The following E2F5 variants were observed in gnomAD, a reference collection of about 807,000 sequenced individuals.
The protein encoded by E2F5 is transcription factor E2F5.
E2F5 carries 23 observed loss-of-function variants against 39.1 expected under a neutral mutation model. The observed-to-expected ratio is 0.59, with a 90% confidence interval of 0.42 to 0.83. The LOEUF (loss-of-function observed/expected upper bound fraction) is 0.83. Ranked by LOEUF, E2F5 falls within the 40% of genes least tolerant of loss-of-function variation. The pLI is 0.00. For missense variants in E2F5, 365 were observed against 406.7 expected (o/e 0.90, Z 0.88); for synonymous variants, 145 against 157.8 (o/e 0.92, Z 0.61).
intron 1 of E2F5, among the ~76,000 whole-genome samples, chr8:85,179,907 G>A (rs1239479776): frequency 1.1e-4 from 17 of 152,258 alleles, no homozygotes; most frequent in African/African-American, 2.4e-5. Context: ...TGATCCACGC[G>A]CCTCGGCCTC....
Position 85,213,868 on chromosome 8 carries a change from A to G in E2F5, c.*6A>G. On this transcript the variant is annotated 3_prime_UTR_variant, in exon 8 of 8. Coordinates refer to ENST00000416274, the MANE Select transcript of E2F5 (RefSeq NM_001951.4). ...TCCAGATACTAAATTATTAGATTCC[A>G]TGGAAACTTGGGACTGTTATCTACC... 1 of 1,549,266 alleles carries G rather than the reference A, an allele frequency of 6.5e-7. No individual in the cohort carries two copies. Among genetic ancestry groups the G allele is most frequent in the Middle Eastern group, 1.8e-4 (1 of 5,566 alleles).
chr8:85,213,573 CTTCTG>C (rs1813004955), intron 7 of E2F5, 175 bp from the exon 8 acceptor site: 2 of 143,658 alleles, frequency 1.4e-5, no homozygotes, highest in Non-Finnish European at 2.7e-5. Flanking sequence ...AAAAAATTAA[CTTCTG>C]TTTCTCAATC....
chr8:85,212,326 G>A, intron 7 of E2F5, 122 bp downstream of exon 7: 1 of 717,522 alleles, frequency 1.4e-6, no homozygotes, highest in Non-Finnish European at 2.3e-6. Flanking sequence ...GAAGATTCAT[G>A]AAAATTCTCC....
Position 85,202,960 on chromosome 8 carries a change from A to G in E2F5, c.345-134A>G, listed in dbSNP as rs551994994. 3 of 612,486 alleles carry G rather than the reference A, an allele frequency of 4.9e-6. No individual in the cohort carries two copies. The Admixed American group carries it at 1.4e-4, about 28-fold the overall frequency. 37.9% of individuals were successfully genotyped at this position (612,486 alleles called of 1,614,324 possible). A position where few individuals can be genotyped will look rare whatever the true frequency, so the allele number is the denominator to read the frequency against. ...GGTGTTTAAAATTTTTAAGGATTTT[A>G]GTGCTTGATTTTAAGAGTGTAAAGA... is the stretch of plus-strand genomic sequence containing the variant. On this transcript the variant is annotated intron_variant, in intron 2 of 7. Coordinates refer to ENST00000416274, the MANE Select transcript of E2F5 (RefSeq NM_001951.4).
chr8:85,180,555 T>C (rs1333599902), intron 1 of E2F5, among the ~76,000 whole-genome samples: 1 of 117,960 alleles, frequency 8.5e-6, no homozygotes, highest in Non-Finnish European at 1.7e-5. Flanking sequence ...TATATATATA[T>C]GGTTTTTTGG....
At chr8:85,192,526 G>T (rs747402101) in intron 1 of E2F5, among the ~76,000 whole-genome samples, 6 of 152,156 alleles carry the variant, frequency 3.9e-5, no homozygotes, top group Non-Finnish European at 5.9e-5. Flanking sequence ...AAGTCTGAGG[G>T]TATGGTAACA....
At chr8:85,202,377 C>T in intron 2 of E2F5, 121 bp downstream of exon 2, 1 of 679,456 alleles carries the variant, frequency 1.5e-6, no homozygotes, top group South Asian at 2.1e-5. Flanking sequence ...CCTCAGCTTT[C>T]CCTGAACACA....
At chr8:85,199,736 A>G (rs1812653647) in intron 1 of E2F5, among the ~76,000 whole-genome samples, 1 of 152,244 alleles carries the variant, frequency 6.6e-6, no homozygotes, top group East Asian at 1.9e-4. Context: ...GTATTTGATG[A>G]TGAGGCTGAC....
At position 85,214,349 on chromosome 8, in the gene E2F5, T is replaced by G; in HGVS notation, c.*487T>G. On this transcript the variant is annotated 3_prime_UTR_variant, in exon 8 of 8. Transcript: ENST00000416274. Reference sequence around the variant, plus strand: ...TATAACTGTTTCAGTGAACAGATTTTGTGAAGTGCCTTCTGTTTTAGCACT... The same window carrying G: ...TATAACTGTTTCAGTGAACAGATTTGGTGAAGTGCCTTCTGTTTTAGCACT... 1.7e-6 allele frequency: 1 copy of G among 598,558 alleles called. No homozygotes were observed. The highest frequency in any genetic ancestry group is 3.0e-6 in the Non-Finnish European group (1 of 337,478). 37.1% of individuals were successfully genotyped at this position (598,558 alleles called of 1,614,324 possible). A position where few individuals can be genotyped will look rare whatever the true frequency, so the allele number is the denominator to read the frequency against.
At chr8:85,205,943 CT>C (rs1440011985) in intron 3 of E2F5, among the ~76,000 whole-genome samples, 1 of 152,176 alleles carries the variant, frequency 6.6e-6, no homozygotes, top group African/African-American at 2.4e-5. Context: ...CTTTCCATCT[CT>C]CTCCTAAGGG....
intron 4 of E2F5, 97 bp downstream of exon 4, chr8:85,206,317 C>T: frequency 7.9e-7 from 1 of 1,269,684 alleles, no homozygotes. Flanking sequence ...TCATTATTTT[C>T]AGAAGTTGTG....
At chr8:85,204,048 C>T (rs911616436) in intron 3 of E2F5, among the ~76,000 whole-genome samples, 1 of 151,938 alleles carries the variant, frequency 6.6e-6, no homozygotes, top group African/African-American at 2.4e-5. Context: ...TTACTTTTCA[C>T]ATTTTCATGT....
At chr8:85,177,731 G>A (rs1182397472) in intron 1 of E2F5, 77 bp downstream of exon 1, 2 of 1,169,208 alleles carry the variant, frequency 1.7e-6, no homozygotes, top group Non-Finnish European at 2.1e-6. Flanking sequence ...TCGCCGCGTG[G>A]GTCTAGCGGC....
intron 5 of E2F5, 48 bp from the exon 6 acceptor site, chr8:85,209,094 T>C: frequency 1.9e-6 from 3 of 1,573,482 alleles, no homozygotes; most frequent in Non-Finnish European, 1.7e-6. Flanking sequence ...TTAAGTTAGC[T>C]AGAAATGTTA....
intron 1 of E2F5, among the ~76,000 whole-genome samples, chr8:85,180,169 C>T (rs1420830547): frequency 4.0e-5 from 6 of 151,650 alleles, no homozygotes; most frequent in African/African-American, 7.3e-5. Context: ...TACAGGTGCC[C>T]GCCACCATGC....
intron 1 of E2F5, among the ~76,000 whole-genome samples, chr8:85,197,641 G>GT (rs759803864): frequency 1.6e-3 from 237 of 152,134 alleles, no homozygotes; most frequent in Non-Finnish European, 2.7e-3. Flanking sequence ...ATTTTTGTTT[G>GT]TTTTTTTCTG....
chr8:85,193,651 A>G (rs1044555565), intron 1 of E2F5, among the ~76,000 whole-genome samples: 5 of 152,142 alleles, frequency 3.3e-5, no homozygotes, highest in African/African-American at 9.7e-5. Flanking sequence ...CTTCATCCTC[A>G]ATCCCAAGCA....
intron 4 of E2F5, among the ~76,000 whole-genome samples, chr8:85,206,674 T>C (rs1812808619): frequency 6.6e-6 from 1 of 152,188 alleles, no homozygotes; most frequent in South Asian, 2.1e-4. Context: ...AGGAAACCTA[T>C]TCCTATGCAA....
At chr8:85,190,236 G>A (rs531906271) in intron 1 of E2F5, among the ~76,000 whole-genome samples, 4 of 151,972 alleles carry the variant, frequency 2.6e-5, no homozygotes, top group Non-Finnish European at 5.9e-5. Flanking sequence ...ACTTCTGCAC[G>A]TGTGTGAAAA....
Sources: allele counts gnomAD v4.1 joint callset (sites outside exome capture counted in the v4.1 genomes callset), GRCh38; gene constraint gnomAD v4.1.1; transcripts MANE v1.5; gene names NCBI Gene and HGNC (gene_info 2026-07-23, HGNC 2026-07-21).